Variants in DDX42 observed in about 807,000 individuals in gnomAD.
DDX42 encodes ATP-dependent RNA helicase DDX42.
Under a neutral mutation model 101.5 loss-of-function variants are expected in DDX42, and 22 were observed. The observed-to-expected ratio is 0.22, with a 90% CI of 0.15 to 0.31. The LOEUF (loss-of-function observed/expected upper bound fraction) is 0.31, where lower values mean the gene tolerates loss of function less well. DDX42 is among the 10% of genes least tolerant of loss of function. The probability of loss-of-function intolerance (pLI) is 1.00; values close to 1 mark genes in which losing one functional copy is unlikely to be tolerated. For missense variants in DDX42, 849 were observed against 1,199.9 expected (o/e 0.71, Z 4.32); for synonymous variants, 402 against 401.2 (o/e 1.00, Z -0.02).
In DDX42 at chr17:63,811,914, T is replaced by C; in HGVS notation, c.1399-18T>C. On this transcript the variant is annotated intron_variant, in intron 13 of 17. Coordinates refer to ENST00000389924, the MANE Select transcript of DDX42 (RefSeq NM_203499.3). ...GGCTCCAATGTCACAATCATCTGTT[T>C]CATTTCTTCCTTCTCAGGCAAATGA... is the stretch of plus-strand genomic sequence containing the variant. 1 of 1,614,196 alleles carries C rather than the reference T, an allele frequency of 6.2e-7. No individual in the cohort carries two copies. The highest frequency in any genetic ancestry group is 1.1e-5 in the South Asian group (1 of 91,084).
intron 6 of DDX42, among the ~76,000 whole-genome samples, chr17:63,803,356 A>T (rs1351941960): frequency 6.6e-6 from 1 of 152,134 alleles, no homozygotes; most frequent in East Asian, 2.0e-4. Context: ...TGGGAGGCCA[A>T]GGTGGGCAGA....
intron 3 of DDX42, among the ~76,000 whole-genome samples, chr17:63,795,276 A>G (rs1329884885): frequency 6.6e-6 from 1 of 152,240 alleles, no homozygotes; most frequent in Non-Finnish European, 1.5e-5. Context: ...CTTGCTCACC[A>G]TAGTTACATC....
Position 63,818,392 on chromosome 17 carries a change from C to T in DDX42, c.2811C>T (p.Asp937=). ...CTAAACGCAAGAAAAGTCGATGGGA[C>T]AGTTAGAGGGGATGTGCTAAAGCGT... ...EPPKRKKSRW[D]S Residue 937 remains aspartate (D), a synonymous_variant, in exon 18 of 18, where the codon GAC becomes GAT. Coordinates refer to ENST00000389924, the MANE Select transcript of DDX42 (RefSeq NM_203499.3). 6.2e-7 allele frequency: 1 copy of T among 1,612,686 alleles called. No individual in the cohort carries two copies. Among genetic ancestry groups the T allele is most frequent in the Non-Finnish European group, 8.5e-7 (1 of 1,179,510 alleles).
At chr17:63,805,914 A>C (rs1197432577) in intron 7 of DDX42, 1 of 152,276 alleles carries the variant, frequency 6.6e-6, no homozygotes, top group Non-Finnish European at 1.5e-5. Context: ...GATTGGAAAT[A>C]TCAACATCAC....
In DDX42 at chr17:63,794,468, C is replaced by G. The variant is rs562880006; in HGVS notation, c.372+1906C>G. ...GAGGTTGTAGTGAGCCATGATCATG[C>G]CACTACTCAGCCTGGATGACAAAGT... On this transcript the variant is annotated intron_variant, in intron 3 of 17. Coordinates refer to ENST00000389924, the MANE Select transcript of DDX42 (RefSeq NM_203499.3). Among the ~76,000 whole-genome samples the G allele has an allele frequency of 5.8e-4, 88 of 151,740 alleles. 1 individual carries two copies. In the South Asian group the frequency reaches 0.018, roughly 31 times the overall value.
chr17:63,774,280 G>A lies in DDX42; in HGVS notation c.-113G>A. 1 of 292,500 alleles carries A rather than the reference G, an allele frequency of 3.4e-6. No individual in the cohort carries two copies. The highest frequency in any genetic ancestry group is 8.3e-5 in the South Asian group (1 of 12,118). 18.1% of individuals were successfully genotyped at this position (292,500 alleles called of 1,614,324 possible). On this transcript the variant is annotated 5_prime_UTR_variant, in exon 1 of 18. Transcript: ENST00000389924. ...CGGCGAAGGGGGCGGAGAGGAAGGA[G>A]CGCGGCGGGACCGGGCCGGGACAGC...
In DDX42 at chr17:63,787,100, A is replaced by G. The variant is rs1220100489; in HGVS notation, c.51A>G (p.Gly17=). Reference sequence around the variant, plus strand: ...GCACTAAGCGAGGATTTGGCTTTGGAGGTTTTGCCATCAGTGCTGGGAAAA... The same window carrying G: ...GCACTAAGCGAGGATTTGGCTTTGGGGGTTTTGCCATCAGTGCTGGGAAAA... ...GPGTKRGFGF[G]GFAISAGKKE... is the part of the protein sequence containing the mutation. Residue 17 remains glycine (G), a synonymous_variant, in exon 2 of 18, where the codon GGA becomes GGG. Transcript: ENST00000389924. The G allele has an allele frequency of 6.2e-7, 1 of 1,614,192 alleles. No homozygotes were observed. The highest frequency in any genetic ancestry group is 8.5e-7 in the Non-Finnish European group (1 of 1,180,040).
At chr17:63,813,482 C>T in intron 15 of DDX42, 28 bp downstream of exon 15, 1 of 1,594,700 alleles carries the variant, frequency 6.3e-7, no homozygotes, top group Non-Finnish European at 8.6e-7. Flanking sequence ...CTTTCAATTG[C>T]TCCTGGTTAT....
intron 6 of DDX42, among the ~76,000 whole-genome samples, chr17:63,803,648 C>CT (rs1178136034): frequency 1.4e-5 from 2 of 144,632 alleles, no homozygotes; most frequent in African/African-American, 2.5e-5. Context: ...TTTTCCTTTG[C>CT]TTTTTTTTCT....
chr17:63,811,862 T>C (rs776118143), intron 13 of DDX42, 70 bp from the exon 14 acceptor site: 26 of 1,596,794 alleles, frequency 1.6e-5, no homozygotes, highest in East Asian at 1.3e-4. Flanking sequence ...AGAAATATAA[T>C]GCCTAGTCCT....
intron 6 of DDX42, among the ~76,000 whole-genome samples, chr17:63,801,672 C>T (rs776086604): frequency 3.9e-5 from 6 of 152,138 alleles, no homozygotes; most frequent in Admixed American, 2.6e-4. Context: ...CCAGGCTGGT[C>T]TCGAACTCCT....
intron 1 of DDX42, among the ~76,000 whole-genome samples, chr17:63,783,979 A>T (rs967197345): frequency 2.6e-5 from 4 of 152,064 alleles, no homozygotes; most frequent in African/African-American, 9.7e-5. Context: ...CAGGATAATC[A>T]CTTGAACCAT....
chr17:63,776,125 A>G (rs748640024), intron 1 of DDX42: 5 of 152,256 alleles, frequency 3.3e-5, no homozygotes, highest in Non-Finnish European at 5.9e-5. Flanking sequence ...TCCACCTCCA[A>G]AAATACAAGT....
At chr17:63,816,713 C>T in intron 16 of DDX42, 155 bp from the exon 17 acceptor site, 1 of 480,206 alleles carries the variant, frequency 2.1e-6, no homozygotes, top group South Asian at 4.1e-5. Context: ...AAATGATTGT[C>T]ACTGTGTCTT....
Position 63,818,536 on chromosome 17 carries a change from T to G in DDX42, c.*138T>G. ...GTGGAGAGCTGGAGCTTGGAGACAT[T>G]ACCCCTTCATCAGAAGGAATTTTCG... is the stretch of plus-strand genomic sequence containing the variant. On this transcript the variant is annotated 3_prime_UTR_variant, in exon 18 of 18. Transcript: ENST00000389924. 1 of 744,792 alleles carries G rather than the reference T, an allele frequency of 1.3e-6. No homozygotes were observed. Among genetic ancestry groups the G allele is most frequent in the Non-Finnish European group, 2.1e-6 (1 of 474,384 alleles). 46.1% of individuals were successfully genotyped at this position (744,792 alleles called of 1,614,324 possible).
chr17:63,800,414 A>G, intron 5 of DDX42, 54 bp from the exon 6 acceptor site: 2 of 1,573,886 alleles, frequency 1.3e-6, no homozygotes, highest in South Asian at 2.3e-5. Flanking sequence ...TTACAGGAGC[A>G]GAAACATTCT....
chr17:63,796,095 T>C (rs2039689480), intron 3 of DDX42, among the ~76,000 whole-genome samples: 1 of 152,210 alleles, frequency 6.6e-6, no homozygotes, highest in African/African-American at 2.4e-5. Context: ...ATGCGTTGTT[T>C]TCTTCATCTT....
At chr17:63,815,440 G>A (rs1227745237) in intron 15 of DDX42, 123 bp from the exon 16 acceptor site, 13 of 628,810 alleles carry the variant, frequency 2.1e-5, no homozygotes, top group South Asian at 1.2e-4. Flanking sequence ...CTCCCTTAGC[G>A]TAGTGCTGGC....
chr17:63,776,708 C>T (rs8078862), intron 1 of DDX42, among the ~76,000 whole-genome samples: 42,057 of 150,162 alleles, frequency 0.28, 6,253 homozygotes, highest in Middle Eastern at 0.37. Context: ...TCAAGTAATC[C>T]GCCTGCCTCA....
Sources: gnomAD v4.1 joint callset for allele counts (sites outside exome capture counted in the v4.1 genomes callset) on GRCh38, gnomAD v4.1.1 for gene constraint, MANE v1.5 for transcripts, NCBI Gene and HGNC (gene_info 2026-07-23, HGNC 2026-07-21) for gene names.